Variants in PARP8 observed in about 807,000 individuals in gnomAD.
PARP8 encodes protein mono-ADP-ribosyltransferase PARP8.
PARP8 carries 51 observed loss-of-function variants against 124.1 expected under a neutral mutation model. The observed-to-expected ratio is 0.41, with a 90% CI of 0.33 to 0.52. PARP8 has a LOEUF of 0.52. Ranked by LOEUF, PARP8 falls within the 20% of genes least tolerant of loss-of-function variation. The pLI is 0.21. For missense variants in PARP8, 860 were observed against 1,018.9 expected, an observed-to-expected ratio of 0.84 and a Z score of 2.12; for synonymous variants, 391 against 361.5, an observed-to-expected ratio of 1.08 and a Z score of -0.93.
At chr5:50,717,669 T>G (rs1333901232) in intron 2 of PARP8, among the ~76,000 whole-genome samples, 1 of 151,922 alleles carries the variant, frequency 6.6e-6, no homozygotes, top group Admixed American at 6.6e-5. Context: ...GGTTCTGCAG[T>G]TGAAACTAAG....
At chr5:50,786,852 A>G (rs560929018) in intron 9 of PARP8, among the ~76,000 whole-genome samples, 2 of 152,162 alleles carry the variant, frequency 1.3e-5, no homozygotes, top group South Asian at 4.2e-4. Flanking sequence ...TTATATATAT[A>G]TACTCTGTTC....
intron 14 of PARP8, among the ~76,000 whole-genome samples, chr5:50,804,449 C>T (rs27469): frequency 0.15 from 22,454 of 152,060 alleles, 1,954 homozygotes; most frequent in African/African-American, 0.25. Flanking sequence ...CCCATTTGCC[C>T]CAACAATACT....
intron 2 of PARP8, among the ~76,000 whole-genome samples, chr5:50,749,738 A>G (rs1207298841): frequency 6.6e-6 from 1 of 152,158 alleles, no homozygotes; most frequent in Non-Finnish European, 1.5e-5. Context: ...TGGGGAAACT[A>G]TTAAAATGTT....
chr5:50,749,805 A>G (rs1364887132), intron 2 of PARP8, among the ~76,000 whole-genome samples: 2 of 152,126 alleles, frequency 1.3e-5, no homozygotes, highest in Non-Finnish European at 2.9e-5. Context: ...AGAAAAGATG[A>G]TTTGATGAAA....
chr5:50,716,723 C>T (rs1580075603), intron 2 of PARP8, among the ~76,000 whole-genome samples: 1 of 152,114 alleles, frequency 6.6e-6, no homozygotes, highest in African/African-American at 2.4e-5. Context: ...ATACCTGTGT[C>T]AATACAGTGA....
chr5:50,679,508 G>A (rs1480523764), intron 2 of PARP8, among the ~76,000 whole-genome samples: 1 of 152,160 alleles, frequency 6.6e-6, no homozygotes, highest in Non-Finnish European at 1.5e-5. Context: ...TCCTGTTTCA[G>A]GGTGGGCTCT....
intron 2 of PARP8, among the ~76,000 whole-genome samples, chr5:50,749,316 A>T (rs1180911874): frequency 1.3e-5 from 2 of 152,178 alleles, no homozygotes; most frequent in East Asian, 3.8e-4. Context: ...GGCAGGTGGC[A>T]GCTTCACTGA....
chr5:50,734,718 A>G (rs1339929537), intron 2 of PARP8, among the ~76,000 whole-genome samples: 3 of 152,038 alleles, frequency 2.0e-5, no homozygotes, highest in Admixed American at 2.0e-4. Context: ...CTTTTCCCCC[A>G]AGTCTGTACC....
At chr5:50,754,811 G>T (rs547671393) in intron 3 of PARP8, among the ~76,000 whole-genome samples, 1 of 152,268 alleles carries the variant, frequency 6.6e-6, no homozygotes, top group Non-Finnish European at 1.5e-5. Flanking sequence ...CAGTGTAAAA[G>T]TGTTCCTATT....
At chr5:50,764,177 T>A (rs1218634498) in intron 7 of PARP8, among the ~76,000 whole-genome samples, 3 of 152,232 alleles carry the variant, frequency 2.0e-5, no homozygotes, top group South Asian at 2.1e-4. Context: ...ATTATTCGTC[T>A]CATGTCTTTT....
intron 2 of PARP8, among the ~76,000 whole-genome samples, chr5:50,694,984 A>G (rs1434663227): frequency 6.6e-6 from 1 of 152,186 alleles, no homozygotes; most frequent in African/African-American, 2.4e-5. Context: ...TGGAAGATTC[A>G]GCAAGTCGGC....
intron 14 of PARP8, among the ~76,000 whole-genome samples, chr5:50,797,734 T>A (rs1232048503): frequency 6.6e-6 from 1 of 152,228 alleles, no homozygotes; most frequent in African/African-American, 2.4e-5. Flanking sequence ...CAAAGGAGTA[T>A]GAAAATAAGA....
intron 11 of PARP8, among the ~76,000 whole-genome samples, chr5:50,794,646 C>G (rs1742323634): frequency 6.6e-6 from 1 of 152,074 alleles, no homozygotes; most frequent in African/African-American, 2.4e-5. Flanking sequence ...AATCTTAGAA[C>G]CTTTTTTTTG....
At chr5:50,821,867 C>A (rs1347098288) in intron 16 of PARP8, among the ~76,000 whole-genome samples, 1 of 152,180 alleles carries the variant, frequency 6.6e-6, no homozygotes, top group Non-Finnish European at 1.5e-5. Flanking sequence ...ATATTTAGAT[C>A]TTGCTTGAAA....
intron 2 of PARP8, among the ~76,000 whole-genome samples, chr5:50,682,029 T>G (rs1424639110): frequency 6.6e-6 from 1 of 152,238 alleles, no homozygotes; most frequent in Non-Finnish European, 1.5e-5. Context: ...CGTTTTCTTA[T>G]GTGCTTAATG....
At chr5:50,738,058 A>G (rs1045068886) in intron 2 of PARP8, among the ~76,000 whole-genome samples, 8 of 152,198 alleles carry the variant, frequency 5.3e-5, no homozygotes, top group Non-Finnish European at 1.2e-4. Context: ...TCTGGAGTCT[A>G]TAAAAGTATT....
At position 50,762,928 on chromosome 5, in the gene PARP8, C is replaced by G. The variant is rs150251986; in HGVS notation, c.424-220C>G. Among the ~76,000 whole-genome samples, 296 of 152,300 alleles carry G rather than the reference C, an allele frequency of 1.9e-3. 3 individuals carry two copies. The highest frequency in any genetic ancestry group is 6.7e-3 in the African/African-American group (280 of 41,572). On this transcript the variant is annotated intron_variant, in intron 6 of 25. Coordinates refer to ENST00000281631, the MANE Select transcript of PARP8 (RefSeq NM_024615.4). Reference sequence around the variant, plus strand: ...AGACATTTACTTCACTAGTTTTTTACATTTGCTTTTTCTTTGTATTAATAT... The same window carrying G: ...AGACATTTACTTCACTAGTTTTTTAGATTTGCTTTTTCTTTGTATTAATAT...
At chr5:50,668,304 ATGTT>A (rs1347477019) in intron 2 of PARP8, 179 bp downstream of exon 2, 4 of 622,790 alleles carry the variant, frequency 6.4e-6, no homozygotes, top group Middle Eastern at 4.4e-4. Flanking sequence ...AGGGGAATCA[ATGTT>A]TGATTCAGGT....
chr5:50,766,326 C>A (rs1278671656), intron 7 of PARP8, among the ~76,000 whole-genome samples: 1 of 152,142 alleles, frequency 6.6e-6, no homozygotes, highest in Non-Finnish European at 1.5e-5. Flanking sequence ...CTGAATAAGT[C>A]TCATCTTGAA....
Sources: gnomAD v4.1 joint callset for allele counts (sites outside exome capture counted in the v4.1 genomes callset) on GRCh38, gnomAD v4.1.1 for gene constraint, MANE v1.5 for transcripts, NCBI Gene and HGNC (gene_info 2026-07-23, HGNC 2026-07-21) for gene names.